The following ADAMTSL1 variants were observed in gnomAD, a reference collection of about 807,000 sequenced individuals.
The protein encoded by ADAMTSL1 is ADAMTS-like protein 1.
Under a neutral mutation model 201.8 loss-of-function variants are expected in ADAMTSL1, and 126 were observed. The observed-to-expected ratio is 0.62, with a 90% CI of 0.54 to 0.72. ADAMTSL1 has a LOEUF of 0.72. Among genes scored for constraint, ADAMTSL1 ranks in the 30% least tolerant of loss-of-function variants. ADAMTSL1 has a pLI of 0.00. For missense variants in ADAMTSL1, 2,679 were observed against 2,277.8 expected (o/e 1.18, Z -3.59); for synonymous variants, 1,121 against 903.4 (o/e 1.24, Z -4.32).
At chr9:18,782,362 A>G (rs1460609052) in intron 19 of ADAMTSL1, among the ~76,000 whole-genome samples, 3 of 152,236 alleles carry the variant, frequency 2.0e-5, no homozygotes, top group Non-Finnish European at 2.9e-5. Flanking sequence ...GTTTACATGC[A>G]TTTGGAGTTC....
At chr9:17,992,370 G>A (rs1337366908) in intron 1 of ADAMTSL1, among the ~76,000 whole-genome samples, 2 of 152,158 alleles carry the variant, frequency 1.3e-5, no homozygotes, top group Non-Finnish European at 2.9e-5. Context: ...TATATTCAAT[G>A]CCATTCACAT....
rs555076488 is a variant in ADAMTSL1, at chr9:18,502,669, G to A, written c.64-2160G>A. On this transcript the variant is annotated intron_variant, in intron 1 of 28. Transcript: ENST00000380548. ...AAAGTACAGATTTTGGGGTTACCAA[G>A]GTGGCTCCGTTATCCATGCTTTGCC... is the stretch of plus-strand genomic sequence containing the variant. 6.6e-5 allele frequency among the ~76,000 whole-genome samples: 10 copies of A among 152,248 alleles called. No homozygotes were observed. The East Asian group carries it at 1.7e-3, about 26-fold the overall frequency.
rs976892003 is a variant in ADAMTSL1, at chr9:18,568,848, C to T, written c.238-5182C>T. ...ATAAAAGCATTAATAGGATGGCACTCATATAATAGGTTAAATGAAACAACA... is the reference window on the plus strand; with the variant it reads ...ATAAAAGCATTAATAGGATGGCACTTATATAATAGGTTAAATGAAACAACA... On this transcript the variant is annotated intron_variant, in intron 3 of 28. Coordinates refer to ENST00000380548, the MANE Select transcript of ADAMTSL1 (RefSeq NM_001040272.6). Among the ~76,000 whole-genome samples the T allele has an allele frequency of 4.0e-5, 6 of 151,300 alleles. 1 individual carries two copies. In the South Asian group the frequency reaches 6.3e-4, roughly 16 times the overall value.
At chr9:18,219,234 C>A (rs1171087083) in intron 2 of ADAMTSL1, among the ~76,000 whole-genome samples, 3 of 151,814 alleles carry the variant, frequency 2.0e-5, no homozygotes, top group African/African-American at 7.2e-5. Flanking sequence ...AGAAAAAACT[C>A]TTTTGTAATT....
chr9:18,371,671 A>G lies in ADAMTSL1; in HGVS notation c.208-133158A>G, dbSNP rs371971329. 3.5e-4 allele frequency among the ~76,000 whole-genome samples: 54 copies of G among 152,324 alleles called. No individual in the cohort carries two copies. In the South Asian group the frequency reaches 0.011, roughly 31 times the overall value. Reference sequence around the variant, plus strand: ...AATACATGCCCCTAAAAATTTATCAACTTTTTTTATGATGAATTTTTATGA... The same window carrying G: ...AATACATGCCCCTAAAAATTTATCAGCTTTTTTTATGATGAATTTTTATGA... On this transcript the variant is annotated intron_variant, in intron 2 of 29. Coordinates refer to the ADAMTSL1 transcript ENST00000680146.
At chr9:18,400,689 A>G (rs929989926) in intron 2 of ADAMTSL1, among the ~76,000 whole-genome samples, 1 of 152,192 alleles carries the variant, frequency 6.6e-6, no homozygotes, top group Non-Finnish European at 1.5e-5. Context: ...TGTCTAATAA[A>G]TGGAGGAATT....
intron 1 of ADAMTSL1, among the ~76,000 whole-genome samples, chr9:18,069,710 A>G (rs987187213): frequency 3.9e-5 from 6 of 152,202 alleles, no homozygotes; most frequent in African/African-American, 1.2e-4. Context: ...GACCCTGTCA[A>G]TACATGGAGG....
chr9:18,009,885 A>G (rs1355314984), intron 1 of ADAMTSL1, among the ~76,000 whole-genome samples: 1 of 152,034 alleles, frequency 6.6e-6, no homozygotes, highest in African/African-American at 2.4e-5. Flanking sequence ...AAACATGCCA[A>G]TTTTCTTTAA....
At chr9:18,542,118 T>C (rs1347151918) in intron 3 of ADAMTSL1, among the ~76,000 whole-genome samples, 1 of 152,246 alleles carries the variant, frequency 6.6e-6, no homozygotes, top group Non-Finnish European at 1.5e-5. Context: ...TTATTCTATA[T>C]GCTTTTATAG....
rs372326773 is a variant in ADAMTSL1 at position 18,138,927 on chromosome 9, T to G, written c.88-24935T>G. Among the ~76,000 whole-genome samples the G allele has an allele frequency of 3.4e-4, 52 of 152,250 alleles. No individual in the cohort carries two copies. In the South Asian group the frequency reaches 0.011, roughly 32 times the overall value. On this transcript the variant is annotated intron_variant, in intron 1 of 29. Coordinates refer to the ADAMTSL1 transcript ENST00000680146. ...TAAAGAGTGCATAGTTGACTGTGTG[T>G]ATGAGTGTGAATATGTGTGTGTATG... is the stretch of plus-strand genomic sequence containing the variant.
intron 23 of ADAMTSL1, among the ~76,000 whole-genome samples, chr9:18,836,110 T>C (rs1169338888): frequency 6.6e-6 from 1 of 152,174 alleles, no homozygotes; most frequent in Non-Finnish European, 1.5e-5. Flanking sequence ...TAAACTAATT[T>C]ACAGTCCCAC....
At chr9:18,599,704 T>C (rs768427450) in intron 4 of ADAMTSL1, among the ~76,000 whole-genome samples, 6 of 152,082 alleles carry the variant, frequency 3.9e-5, no homozygotes, top group East Asian at 1.9e-4. Context: ...ATGCAGCCTA[T>C]GGATAACTTC....
intron 5 of ADAMTSL1, among the ~76,000 whole-genome samples, chr9:18,623,559 G>C (rs989556853): frequency 9.2e-5 from 14 of 152,172 alleles, no homozygotes; most frequent in African/African-American, 3.1e-4. Context: ...AGGTGCCTCA[G>C]ATGTCTACCC....
chr9:18,351,677 T>C (rs1174752896), intron 2 of ADAMTSL1, among the ~76,000 whole-genome samples: 3 of 152,204 alleles, frequency 2.0e-5, no homozygotes, highest in Admixed American at 6.5e-5. Context: ...TATCTGCTCT[T>C]GCAATGGGTA....
chr9:18,500,202 C>T (rs1822761192), intron 1 of ADAMTSL1, among the ~76,000 whole-genome samples: 1 of 152,208 alleles, frequency 6.6e-6, no homozygotes, highest in South Asian at 2.1e-4. Flanking sequence ...GAGCTGTTCA[C>T]CTGAGACTTT....
chr9:17,972,990 C>T (rs912671248), intron 1 of ADAMTSL1, among the ~76,000 whole-genome samples: 3 of 148,752 alleles, frequency 2.0e-5, no homozygotes, highest in African/African-American at 7.4e-5. Flanking sequence ...TCATATCCTT[C>T]ACCCACTTTT....
chr9:18,656,628 C>CAAAAAAA lies in ADAMTSL1; in HGVS notation c.835-1000_835-994dup, dbSNP rs34965386. Among the ~76,000 whole-genome samples, 50 of 75,360 alleles carry CAAAAAAA rather than the reference C, an allele frequency of 6.6e-4. 1 individual carries two copies. Among genetic ancestry groups the CAAAAAAA allele is most frequent in the Non-Finnish European group, 9.2e-4 (35 of 38,116 alleles). 49.4% of individuals were successfully genotyped at this position (75,360 alleles called of 152,430 possible). On this transcript the variant is annotated intron_variant, in intron 7 of 28. Transcript: ENST00000380548. ...TGAGCAACAGAGCAAGACTCCATCG[C>CAAAAAAA]AAAAAAAAAAAAAAAAAGAAAATGT...
At chr9:18,307,221 G>A (rs1466443502) in intron 2 of ADAMTSL1, among the ~76,000 whole-genome samples, 2 of 151,980 alleles carry the variant, frequency 1.3e-5, no homozygotes, top group African/African-American at 2.4e-5. Context: ...AAAAAAAATA[G>A]TACCAGCCAC....
In ADAMTSL1 at chr9:18,657,780, T is replaced by C. The variant is rs770785740; in HGVS notation, c.946+30T>C. 4.5e-6 allele frequency: 7 copies of C among 1,570,310 alleles called. No homozygotes were observed. The East Asian group carries it at 6.7e-5, about 15-fold the overall frequency. On this transcript the variant is annotated intron_variant, in intron 8 of 28. Transcript: ENST00000380548. ...TGGTGTTCACTTAGTCTAAAAACTGTTGGCTTCTGTGAGGAAATACTTGGG... is the reference window on the plus strand; with the variant it reads ...TGGTGTTCACTTAGTCTAAAAACTGCTGGCTTCTGTGAGGAAATACTTGGG...
Sources: allele counts gnomAD v4.1 joint callset (sites outside exome capture counted in the v4.1 genomes callset), GRCh38; gene constraint gnomAD v4.1.1; transcripts MANE v1.5; gene names NCBI Gene and HGNC (gene_info 2026-07-23, HGNC 2026-07-21).